Variants in MEI4 observed in about 807,000 individuals in gnomAD.
MEI4 encodes meiotic double-stranded break formation protein 4, also known as meiosis-specific protein MEI4.
Under a neutral mutation model 31.4 loss-of-function variants are expected in MEI4, and 27 were observed. The observed-to-expected ratio is 0.86, with a 90% CI of 0.63 to 1.19. MEI4 has a LOEUF of 1.19. Ranked by LOEUF, MEI4 falls within the 50% of genes most tolerant of loss-of-function variation. The pLI, the probability that MEI4 is intolerant of heterozygous loss-of-function variation, is 0.00. For synonymous variants in MEI4, 122 were observed against 145.4 expected, an observed-to-expected ratio of 0.84 and a Z score of 1.16; for missense variants, 329 against 398.9, an observed-to-expected ratio of 0.82 and a Z score of 1.49.
At chr6:77,682,794 A>G (rs1027163415) in intron 1 of MEI4, among the ~76,000 whole-genome samples, 1 of 152,166 alleles carries the variant, frequency 6.6e-6, no homozygotes, top group African/African-American at 2.4e-5. Flanking sequence ...GTTTTCTGCC[A>G]CACTTCCAAA....
At position 77,850,720 on chromosome 6, in the gene MEI4, G is replaced by A. The variant is rs552779937; in HGVS notation, c.900+21658G>A. ...CTAGGCATTACCATTCAGGACATAG[G>A]CATGGGCAAGGACTTCATGTCTAAA... On this transcript the variant is annotated intron_variant, in intron 4 of 4. Transcript: ENST00000684080. Among the ~76,000 whole-genome samples, 759 of 152,218 alleles carry A rather than the reference G, an allele frequency of 5.0e-3. 2 individuals are homozygous for A. Among genetic ancestry groups the A allele is most frequent in the Middle Eastern group, 0.017 (5 of 294 alleles).
chr6:77,732,067 C>T (rs1381584043), intron 2 of MEI4, among the ~76,000 whole-genome samples: 1 of 150,248 alleles, frequency 6.7e-6, no homozygotes, highest in East Asian at 2.0e-4. Context: ...AGTGTGATGC[C>T]TCCAGCTTTG....
At chr6:77,833,404 T>A (rs1770130891) in intron 4 of MEI4, among the ~76,000 whole-genome samples, 1 of 152,180 alleles carries the variant, frequency 6.6e-6, no homozygotes, top group African/African-American at 2.4e-5. Context: ...ATTTTATTAA[T>A]AGCTTATATG....
At chr6:77,678,325 G>A (rs1768883201) in intron 1 of MEI4, among the ~76,000 whole-genome samples, 2 of 152,178 alleles carry the variant, frequency 1.3e-5, no homozygotes, top group African/African-American at 4.8e-5. Context: ...GCCAGTTTTT[G>A]ACTGTCATGA....
intron 1 of MEI4, among the ~76,000 whole-genome samples, chr6:77,655,684 A>C (rs1768381163): frequency 6.6e-6 from 1 of 152,182 alleles, no homozygotes; most frequent in Admixed American, 6.5e-5. Context: ...ACGAAAGTAC[A>C]GGAATCATTC....
intron 3 of MEI4, among the ~76,000 whole-genome samples, chr6:77,769,029 A>G (rs1029976382): frequency 3.3e-5 from 5 of 152,198 alleles, no homozygotes; most frequent in Non-Finnish European, 5.9e-5. Context: ...AAGGACCTTC[A>G]TAAGAACCAA....
chr6:77,724,484 CT>C (rs1165683404), intron 2 of MEI4, among the ~76,000 whole-genome samples: 1 of 119,236 alleles, frequency 8.4e-6, no homozygotes, highest in African/African-American at 3.1e-5. Flanking sequence ...ATTCACTACC[CT>C]GTCTACTAGG....
intron 4 of MEI4, among the ~76,000 whole-genome samples, chr6:77,922,740 G>A (rs1318793682): frequency 6.6e-6 from 1 of 151,626 alleles, no homozygotes; most frequent in African/African-American, 2.4e-5. Flanking sequence ...GAATTCAAAA[G>A]TTTTGGCAAA....
chr6:77,718,293 A>T (rs1319980518), intron 2 of MEI4, among the ~76,000 whole-genome samples: 1 of 125,478 alleles, frequency 8.0e-6, no homozygotes, highest in Non-Finnish European at 1.7e-5. Context: ...CAAAAATCTG[A>T]CGTATTCCAG....
chr6:77,766,296 G>T (rs1768172658), intron 3 of MEI4, among the ~76,000 whole-genome samples: 1 of 152,158 alleles, frequency 6.6e-6, no homozygotes, highest in Non-Finnish European at 1.5e-5. Flanking sequence ...ATAGCATTTT[G>T]AAGTTGGTGA....
rs1766833545 is a variant in MEI4 at position 77,925,919 on chromosome 6, T to C, written c.*2573T>C. The C allele has an allele frequency of 2.0e-5, 3 of 149,786 alleles. No individual in the cohort carries two copies. In the South Asian group the frequency reaches 6.2e-4, roughly 31 times the overall value. 9.3% of individuals were successfully genotyped at this position (149,786 alleles called of 1,614,324 possible). On this transcript the variant is annotated 3_prime_UTR_variant, in exon 5 of 5. Transcript: ENST00000684080. ...GGTACTTACCTAAGCATTTTACATATATTAAACTGTTTGATTCTCCCAGCA... is the reference window on the plus strand; with the variant it reads ...GGTACTTACCTAAGCATTTTACATACATTAAACTGTTTGATTCTCCCAGCA...
intron 1 of MEI4, among the ~76,000 whole-genome samples, chr6:77,673,178 TA>T (rs777847600): frequency 6.6e-6 from 1 of 152,158 alleles, no homozygotes; most frequent in Non-Finnish European, 1.5e-5. Context: ...AAGGAGACCT[TA>T]AAATGAAGCA....
intron 3 of MEI4, among the ~76,000 whole-genome samples, chr6:77,796,139 G>T (rs1353625539): frequency 2.0e-5 from 3 of 152,076 alleles, no homozygotes; most frequent in African/African-American, 7.2e-5. Context: ...AATCATGATT[G>T]ATCACACACA....
At chr6:77,905,537 C>T (rs557842729) in intron 4 of MEI4, among the ~76,000 whole-genome samples, 36 of 124,040 alleles carry the variant, frequency 2.9e-4, no homozygotes, top group African/African-American at 1.0e-3. Flanking sequence ...CACTCTGTCT[C>T]CCAGGCTGGA....
chr6:77,795,968 G>A (rs185217086), intron 3 of MEI4, among the ~76,000 whole-genome samples: 7 of 152,228 alleles, frequency 4.6e-5, no homozygotes, highest in East Asian at 3.9e-4. Flanking sequence ...GGAAGTACTC[G>A]TCAATATCCT....
At chr6:77,876,475 C>T (rs1054400957) in intron 4 of MEI4, among the ~76,000 whole-genome samples, 4 of 152,134 alleles carry the variant, frequency 2.6e-5, no homozygotes, top group Admixed American at 1.3e-4. Flanking sequence ...GCACCGTGCT[C>T]CTGGACTTCC....
chr6:77,769,810 A>AAT (rs772454034), intron 3 of MEI4, among the ~76,000 whole-genome samples: 1 of 152,096 alleles, frequency 6.6e-6, no homozygotes. Context: ...TCATGTGCTG[A>AAT]ATAAACAGCC....
At chr6:77,916,554 G>T (rs1347316750) in intron 4 of MEI4, among the ~76,000 whole-genome samples, 1 of 151,910 alleles carries the variant, frequency 6.6e-6, no homozygotes, top group East Asian at 1.9e-4. Flanking sequence ...TATTAGTATT[G>T]TTTCTTATTT....
rs565174910 is a variant in MEI4 at position 77,903,397 on chromosome 6, AAATGT to A, written c.901-19683_901-19679del. Among the ~76,000 whole-genome samples, 127 of 152,258 alleles carry A rather than the reference AAATGT, an allele frequency of 8.3e-4. 2 individuals are homozygous for A. Among genetic ancestry groups the A allele is most frequent in the Non-Finnish European group, 1.3e-3 (91 of 68,018 alleles). The stretch of plus-strand genomic sequence containing the variant: ...GCTTTATTTTAGATGTTTTCTTTCC[AAATGT>A]AATGTAATCTAATGTAAGTGTTCTG... On this transcript the variant is annotated intron_variant, in intron 4 of 4. Coordinates refer to ENST00000684080, the MANE Select transcript of MEI4 (RefSeq NM_001322247.2).
Sources: allele counts gnomAD v4.1 joint callset (sites outside exome capture counted in the v4.1 genomes callset), GRCh38; gene constraint gnomAD v4.1.1; transcripts MANE v1.5; gene names NCBI Gene and HGNC (gene_info 2026-07-23, HGNC 2026-07-21).